The following TMPRSS11A variants were observed in gnomAD, a reference collection of about 807,000 sequenced individuals.
TMPRSS11A encodes the protein transmembrane protease serine 11A.
In TMPRSS11A, 53 loss-of-function variants were observed where a neutral mutation model predicts 58.9. The observed-to-expected ratio is 0.90, with a 90% CI of 0.72 to 1.13. The LOEUF is 1.13. Among genes scored for constraint, TMPRSS11A ranks in the 50% most tolerant of loss-of-function variants. The pLI is 0.00. For synonymous variants in TMPRSS11A, 167 were observed against 169.8 expected, an observed-to-expected ratio of 0.98 and a Z score of 0.13; for missense variants, 493 against 499.3, an observed-to-expected ratio of 0.99 and a Z score of 0.12.
At chr4:67,911,529 G>T (rs1190644612) in intron 9 of TMPRSS11A, 26 bp from the exon 10 acceptor site, 10 of 1,582,928 alleles carry the variant, frequency 6.3e-6, no homozygotes, top group African/African-American at 2.7e-5. Flanking sequence ...TAAGAAAAAA[G>T]AAAGAAAATT....
chr4:67,940,568 T>C (rs987148249), intron 3 of TMPRSS11A, among the ~76,000 whole-genome samples: 3 of 152,224 alleles, frequency 2.0e-5, no homozygotes, highest in Admixed American at 2.0e-4. Flanking sequence ...TTTGTATTTC[T>C]GTGGGATTGG....
chr4:67,936,245 C>T (rs1212041224), intron 3 of TMPRSS11A, among the ~76,000 whole-genome samples: 1 of 151,818 alleles, frequency 6.6e-6, no homozygotes, highest in Non-Finnish European at 1.5e-5. Flanking sequence ...AGCCTATTTT[C>T]TTTACTCTCC....
Position 67,930,096 on chromosome 4 carries a change from C to T in TMPRSS11A, c.321-56G>A. The T allele has an allele frequency of 1.1e-5, 16 of 1,517,220 alleles. No individual in the cohort carries two copies. In the South Asian group the frequency reaches 1.2e-4, roughly 12 times the overall value. 94.0% of individuals were successfully genotyped at this position (1,517,220 alleles called of 1,614,324 possible). ...AAAGAATACACCTGGAATTGTCCTT[C>T]AGTCTTACCTGTATCTTCCTCCCCT... is the stretch of plus-strand genomic sequence containing the variant. On this transcript the variant is annotated intron_variant, in intron 4 of 9. Transcript: ENST00000508048.
Position 67,911,286 on chromosome 4 carries a change from A to G in TMPRSS11A, c.*56T>C. The G allele has an allele frequency of 1.3e-6, 2 of 1,525,082 alleles. No individual in the cohort carries two copies. Among genetic ancestry groups the G allele is most frequent in the South Asian group, 2.4e-5 (2 of 82,946 alleles). The allele number at this position is 1,525,082 out of a possible 1,614,324, so 94.5% of individuals were successfully genotyped here. A position where few individuals can be genotyped will look rare whatever the true frequency, so the allele number is the denominator to read the frequency against. On this transcript the variant is annotated 3_prime_UTR_variant, in exon 10 of 10. Coordinates refer to ENST00000508048, the MANE Select transcript of TMPRSS11A (RefSeq NM_001114387.2). ...TGTACTACACCCACTAAATAGTTGA[A>G]TTCTCATGCATATATGACCTGCATA...
At chr4:67,932,291 C>T (rs1250941910) in intron 3 of TMPRSS11A, among the ~76,000 whole-genome samples, 1 of 151,998 alleles carries the variant, frequency 6.6e-6, no homozygotes, top group Non-Finnish European at 1.5e-5. Context: ...CTAGAGGGGA[C>T]CTAGGCACTC....
intron 1 of TMPRSS11A, among the ~76,000 whole-genome samples, chr4:67,948,085 T>C (rs538626811): frequency 6.6e-6 from 1 of 152,292 alleles, no homozygotes; most frequent in East Asian, 1.9e-4. Context: ...TTTTTCATAT[T>C]TTCTTCACAG....
intron 1 of TMPRSS11A, among the ~76,000 whole-genome samples, chr4:67,956,684 A>G (rs889548886): frequency 2.0e-5 from 3 of 152,244 alleles, no homozygotes; most frequent in African/African-American, 7.2e-5. Flanking sequence ...TTGATGCACT[A>G]CAAATGAATC....
chr4:67,911,735 A>G (rs1560560893), intron 9 of TMPRSS11A, among the ~76,000 whole-genome samples: 3 of 152,146 alleles, frequency 2.0e-5, no homozygotes, highest in Non-Finnish European at 4.4e-5. Context: ...CTTAGTTAAA[A>G]AAGGCAAAAA....
At chr4:67,929,460 A>T (rs1480477956) in intron 5 of TMPRSS11A, among the ~76,000 whole-genome samples, 1 of 152,236 alleles carries the variant, frequency 6.6e-6, no homozygotes, top group Non-Finnish European at 1.5e-5. Flanking sequence ...AAAAAAAGCT[A>T]ACAAAAATTG....
intron 1 of TMPRSS11A, among the ~76,000 whole-genome samples, chr4:67,948,151 T>TC (rs1560573089): frequency 1.5e-5 from 2 of 134,804 alleles, no homozygotes; most frequent in African/African-American, 5.5e-5. Flanking sequence ...TTTTTTCTTT[T>TC]TTTTTTTTTT....
intron 1 of TMPRSS11A, among the ~76,000 whole-genome samples, chr4:67,961,418 CA>C (rs1407476412): frequency 6.6e-6 from 1 of 151,240 alleles, no homozygotes; most frequent in Non-Finnish European, 1.5e-5. Flanking sequence ...CATAACCATT[CA>C]ATGTTTCCCA....
chr4:67,958,709 T>C (rs1182972887), intron 1 of TMPRSS11A, among the ~76,000 whole-genome samples: 1 of 152,152 alleles, frequency 6.6e-6, no homozygotes, highest in African/African-American at 2.4e-5. Context: ...CATGATTCGT[T>C]TTAAAATGTG....
intron 5 of TMPRSS11A, among the ~76,000 whole-genome samples, chr4:67,924,883 C>T (rs773380418): frequency 6.6e-6 from 1 of 151,780 alleles, no homozygotes; most frequent in Non-Finnish European, 1.5e-5. Context: ...AGCCATATGG[C>T]AAGTAGACTG....
chr4:67,944,737 C>A, intron 2 of TMPRSS11A, 100 bp from the exon 3 acceptor site: 1 of 904,646 alleles, frequency 1.1e-6, no homozygotes, highest in Admixed American at 2.7e-5. Context: ...TGTCCCTGAG[C>A]CTCTTCATAA....
In TMPRSS11A at chr4:67,924,171, A is replaced by G. The variant is rs1720403353; in HGVS notation, c.482-5T>C. The G allele has an allele frequency of 2.5e-6, 4 of 1,612,672 alleles. No individual in the cohort carries two copies. The highest frequency in any genetic ancestry group is 3.4e-6 in the Non-Finnish European group (4 of 1,178,890). ...CCCCTGTTGATGAGCTCATTGCTGA[A>G]AAAGAAGATAAAACAAATAGTGATA... On this transcript the variant is annotated splice_polypyrimidine_tract_variant and splice_region_variant and intron_variant, in intron 5 of 9. Coordinates refer to ENST00000508048, the MANE Select transcript of TMPRSS11A (RefSeq NM_001114387.2).
Position 67,914,709 on chromosome 4 carries a change from C to T in TMPRSS11A, c.974G>A (p.Arg325Gln), listed in dbSNP as rs150048717. 1.5e-3 allele frequency: 2,397 copies of T among 1,612,504 alleles called. 13 individuals are homozygous for T. The highest frequency in any genetic ancestry group is 1.7e-3 in the Non-Finnish European group (2,036 of 1,179,198). Residue 325 changes from arginine to glutamine, a missense_variant, in exon 9 of 10, where the codon CGA becomes CAA. By Grantham distance (43) the Arg-to-Gln change is conservative (BLOSUM62 1). Transcript: ENST00000508048. ...ACTTATGATTTTCACTCTGGCTTCT[C>T]GGAGATCATTTTGGGATTCCCCTTA... ...YYGGESQNDL[R>Q]EARVKIISDD...
In TMPRSS11A at chr4:67,922,002, T is replaced by C. The variant is rs188186035; in HGVS notation, c.692+753A>G. On this transcript the variant is annotated intron_variant, in intron 7 of 9. Transcript: ENST00000508048. ...AAGTAAGATTAAAAGTTATAAAAAG[T>C]CATTTAATCATATATTTAATAAAAT... Among the ~76,000 whole-genome samples the C allele has an allele frequency of 2.8e-3, 427 of 152,334 alleles. 2 individuals are homozygous for C. The highest frequency in any genetic ancestry group is 4.9e-3 in the Non-Finnish European group (332 of 68,034).
chr4:67,943,532 G>A (rs979670882), intron 3 of TMPRSS11A, among the ~76,000 whole-genome samples: 16 of 152,078 alleles, frequency 1.1e-4, no homozygotes, highest in African/African-American at 3.4e-4. Flanking sequence ...CAGGCTCCCC[G>A]TTCATCCTAG....
At position 67,946,382 on chromosome 4, in the gene TMPRSS11A, A is replaced by G. The variant is rs956292255; in HGVS notation, c.133+68T>C. On this transcript the variant is annotated intron_variant, in intron 2 of 9. Coordinates refer to ENST00000508048, the MANE Select transcript of TMPRSS11A (RefSeq NM_001114387.2). ...CAATTTTTTAGATGAAGTTACATTT[A>G]CATATATGTAAATGGAGCTTTGCAG... 6 of 1,479,948 alleles carry G rather than the reference A, an allele frequency of 4.1e-6. No individual in the cohort carries two copies. The East Asian group carries it at 7.4e-5, about 18-fold the overall frequency. 91.7% of individuals were successfully genotyped at this position (1,479,948 alleles called of 1,614,324 possible).
Sources: gnomAD v4.1 joint callset for allele counts (sites outside exome capture counted in the v4.1 genomes callset) on GRCh38, gnomAD v4.1.1 for gene constraint, MANE v1.5 for transcripts, NCBI Gene and HGNC (gene_info 2026-07-23, HGNC 2026-07-21) for gene names.